The following GRHPR variants were observed in gnomAD, a reference collection of about 807,000 sequenced individuals.
GRHPR encodes glyoxylate and hydroxypyruvate reductase, also known as glyoxylate reductase/hydroxypyruvate reductase.
In GRHPR, 35 loss-of-function variants were observed where a neutral mutation model predicts 36.8. That is an observed-to-expected ratio of 0.95 (90% CI 0.73 to 1.26). The LOEUF is 1.26. GRHPR is among the 50% of genes most tolerant of loss of function. GRHPR has a pLI of 0.00. For synonymous variants in GRHPR, 179 were observed against 181.0 expected (o/e 0.99, Z 0.09); for missense variants, 380 against 435.0 (o/e 0.87, Z 1.12).
chr9:37,432,174 G>T (rs1460296956), intron 8 of GRHPR, 36 bp downstream of exon 8: 1 of 1,610,570 alleles, frequency 6.2e-7, no homozygotes, highest in South Asian at 1.1e-5. Flanking sequence ...ACTCCCTGCT[G>T]CCCTGCAGGA....
chr9:37,436,743 C>G lies in GRHPR; in HGVS notation c.948C>G (p.Gly316=), dbSNP rs1823679529. The G allele has an allele frequency of 3.1e-6, 5 of 1,613,926 alleles. No homozygotes were observed. In the South Asian group the frequency reaches 5.5e-5, roughly 18 times the overall value. ...SLLAANNLLA[G]LRGEPMPSEL... ...TGGCAGCTAACAACTTGCTGGCTGGCCTGAGAGGGGAGCCGATGCCTAGTG... is the reference window on the plus strand; with the variant it reads ...TGGCAGCTAACAACTTGCTGGCTGGGCTGAGAGGGGAGCCGATGCCTAGTG... Residue 316 remains glycine, a synonymous_variant, in exon 9 of 9, where the codon GGC becomes GGG. Coordinates refer to ENST00000318158, the MANE Select transcript of GRHPR (RefSeq NM_012203.2).
At chr9:37,428,864 G>A (rs1823214998) in intron 5 of GRHPR, 1 of 524,210 alleles carries the variant, frequency 1.9e-6, no homozygotes, top group East Asian at 3.8e-5. Context: ...AATGTGTTGG[G>A]GCCGTTAGGA....
intron 6 of GRHPR, chr9:37,430,221 G>C (rs1250324381): frequency 1.8e-6 from 1 of 558,418 alleles, no homozygotes; most frequent in African/African-American, 1.9e-5. Flanking sequence ...GGCGGATCCA[G>C]CACCTGGCGG....
intron 7 of GRHPR, chr9:37,431,034 G>A (rs1166738600): frequency 1.3e-5 from 6 of 476,696 alleles, no homozygotes; most frequent in Admixed American, 9.4e-5. Context: ...TTGTCTGGCT[G>A]TGGTTCAGTG....
intron 4 of GRHPR, among the ~76,000 whole-genome samples, chr9:37,427,143 G>A (rs1423651186): frequency 6.6e-6 from 1 of 152,116 alleles, no homozygotes; most frequent in Non-Finnish European, 1.5e-5. Flanking sequence ...GGTGAGAGAA[G>A]AGGATGAGGG....
rs756085471 is a variant in GRHPR, at chr9:37,424,921, G to T, written c.160G>T (p.Gly54Cys). 3 of 1,611,454 alleles carry T rather than the reference G, an allele frequency of 1.9e-6. No individual in the cohort carries two copies. Among genetic ancestry groups the T allele is most frequent in the Non-Finnish European group, 1.7e-6 (2 of 1,179,786 alleles). The change falls in exon 2 of 9, where the codon GGC (glycine) becomes TGC (cysteine). Residue 54 changes from glycine (G) to cysteine (C), a missense_variant. Gly to Cys is a radical substitution (Grantham distance 159, BLOSUM62 -3). Transcript: ENST00000318158. ...ELERGVAGAH[G>C]LLCLLSDHVD... ...AGAGCGAGGTGTGGCGGGGGCCCAC[G>T]GCCTGCTCTGCCTCCTCTCCGACCA...
intron 8 of GRHPR, 115 bp downstream of exon 8, chr9:37,432,253 G>A: frequency 1.1e-6 from 1 of 951,406 alleles, no homozygotes. Context: ...GAACCCAAAG[G>A]GACACACCAG....
intron 1 of GRHPR, among the ~76,000 whole-genome samples, chr9:37,423,370 ACT>A (rs1822934529): frequency 6.7e-6 from 1 of 150,358 alleles, no homozygotes; most frequent in Non-Finnish European, 1.5e-5. Flanking sequence ...TGGGGGTCTC[ACT>A]CTGTTGCTCA....
intron 4 of GRHPR, among the ~76,000 whole-genome samples, chr9:37,427,147 A>G (rs1823121352): frequency 6.6e-6 from 1 of 152,084 alleles, no homozygotes; most frequent in Non-Finnish European, 1.5e-5. Flanking sequence ...AGAGAAGAGG[A>G]TGAGGGAGGA....
At chr9:37,434,591 G>A in intron 8 of GRHPR, 1 of 242,788 alleles carries the variant, frequency 4.1e-6, no homozygotes. Context: ...AGTTAATGAA[G>A]GCCATAGGAC....
At position 37,436,929 on chromosome 9, in the gene GRHPR, T is replaced by C. The variant is rs888204460; in HGVS notation, c.*147T>C. 17 of 872,408 alleles carry C rather than the reference T, an allele frequency of 1.9e-5. No homozygotes were observed. The highest frequency in any genetic ancestry group is 5.0e-5 in the African/African-American group (3 of 60,524). 54.0% of individuals were successfully genotyped at this position (872,408 alleles called of 1,614,324 possible). ...GATTCTGATATATGTACTTGTCACA[T>C]TGGTGTTGGACACATTTGCGCCAAA... is the stretch of plus-strand genomic sequence containing the variant. On this transcript the variant is annotated 3_prime_UTR_variant, in exon 9 of 9. Coordinates refer to ENST00000318158, the MANE Select transcript of GRHPR (RefSeq NM_012203.2).
chr9:37,434,279 G>C (rs748470499), intron 8 of GRHPR: 15 of 443,898 alleles, frequency 3.4e-5, no homozygotes, highest in Non-Finnish European at 5.6e-5. Flanking sequence ...ATCCCTATGG[G>C]GGGAGCACGG....
At chr9:37,428,324 C>G (rs544356800) in intron 4 of GRHPR, 160 bp from the exon 5 acceptor site, 17 of 636,292 alleles carry the variant, frequency 2.7e-5, no homozygotes, top group East Asian at 2.0e-4. Flanking sequence ...GTTTCTGCTG[C>G]TCATCTGCAG....
chr9:37,432,097 C>T lies in GRHPR; in HGVS notation c.824C>T (p.Pro275Leu). The T allele has an allele frequency of 1.2e-6, 2 of 1,614,064 alleles. No homozygotes were observed. Among genetic ancestry groups the T allele is most frequent in the Non-Finnish European group, 1.7e-6 (2 of 1,179,920 alleles). Reference sequence around the variant, plus strand: ...GGACTGGATGTGACGAGCCCAGAACCACTGCCTACAAACCACCCTCTCCTG... The same window carrying T: ...GGACTGGATGTGACGAGCCCAGAACTACTGCCTACAAACCACCCTCTCCTG... ...AAGLDVTSPE[P>L]LPTNHPLLTL... is the part of the protein sequence containing the mutation. The change falls in exon 8 of 9, where the codon CCA becomes CTA. Residue 275 changes from proline (P) to leucine (L), a missense_variant. Pro to Leu is a moderately conservative substitution (Grantham distance 98, BLOSUM62 -3). Transcript: ENST00000318158.
At chr9:37,430,392 C>G (rs1823301998) in intron 6 of GRHPR, 119 bp from the exon 7 acceptor site, 7 of 852,494 alleles carry the variant, frequency 8.2e-6, no homozygotes, top group South Asian at 8.0e-5. Flanking sequence ...AGAGACTCGG[C>G]CTTCAGGAAG....
At chr9:37,426,484 G>T (rs1160321533) in intron 3 of GRHPR, 54 bp from the exon 4 acceptor site, 3 of 1,103,738 alleles carry the variant, frequency 2.7e-6, no homozygotes, top group Non-Finnish European at 4.2e-6. Flanking sequence ...CCCAGCAGTA[G>T]ACATTGGTAA....
chr9:37,429,747 G>A lies in GRHPR; in HGVS notation c.509G>A (p.Arg170Gln), dbSNP rs12002324. ...CTTGCTCTAGGCCAGGCCATTGCTC[G>A]GCGTCTGAAACCATTCGGTGTCCAG... ...GLGRIGQAIA[R>Q]RLKPFGVQRF... The change falls in exon 6 of 9, where the codon CGG becomes CAG. Residue 170 changes from arginine (R) to glutamine (Q), a missense_variant. Transcript: ENST00000318158. The A allele has an allele frequency of 2.1e-3, 3,317 of 1,612,232 alleles. 65 individuals carry two copies. The African/African-American group carries it at 0.038, about 18-fold the overall frequency.
intron 2 of GRHPR, 108 bp downstream of exon 2, chr9:37,425,083 C>A: frequency 8.7e-7 from 1 of 1,143,556 alleles, no homozygotes; most frequent in Non-Finnish European, 1.3e-6. Flanking sequence ...GTTCTGAGGG[C>A]GTTTCCTGCG....
chr9:37,426,766 A>G (rs2118866497), intron 4 of GRHPR, 112 bp downstream of exon 4: 2 of 701,712 alleles, frequency 2.9e-6, no homozygotes, highest in East Asian at 5.4e-5. Flanking sequence ...TGGCCAACAT[A>G]GTGAAACCCC....
Sources: gnomAD v4.1 joint callset for allele counts (sites outside exome capture counted in the v4.1 genomes callset) on GRCh38, gnomAD v4.1.1 for gene constraint, MANE v1.5 for transcripts, NCBI Gene and HGNC (gene_info 2026-07-23, HGNC 2026-07-21) for gene names.